The following ZNF565 variants were observed in gnomAD, a reference collection of about 807,000 sequenced individuals.
ZNF565 encodes zinc finger protein 565.
A neutral mutation model predicts 39.4 loss-of-function variants in ZNF565; 27 were observed. That is an observed-to-expected ratio of 0.69 (90% CI 0.51 to 0.95). The LOEUF is 0.95. Among genes scored for constraint, ZNF565 ranks in the 40% least tolerant of loss-of-function variants. The pLI, the probability that ZNF565 is intolerant of heterozygous loss-of-function variation, is 0.00. For missense variants in ZNF565, 524 were observed against 621.1 expected, an observed-to-expected ratio of 0.84 and a Z score of 1.66; for synonymous variants, 185 against 216.6, an observed-to-expected ratio of 0.85 and a Z score of 1.28.
chr19:36,186,617 A>G (rs1975309935), intron 4 of ZNF565, among the ~76,000 whole-genome samples: 1 of 151,832 alleles, frequency 6.6e-6, no homozygotes, highest in Admixed American at 6.6e-5. Flanking sequence ...GTGCAACCCC[A>G]TCTCTACCAA....
At chr19:36,233,844 T>G (rs979457781) in intron 1 of ZNF565, among the ~76,000 whole-genome samples, 8 of 152,218 alleles carry the variant, frequency 5.3e-5, no homozygotes, top group African/African-American at 1.7e-4. Context: ...AGGAGACAGA[T>G]GCCTTCCTCT....
At chr19:36,232,616 T>C (rs1977433537) in intron 1 of ZNF565, among the ~76,000 whole-genome samples, 1 of 150,898 alleles carries the variant, frequency 6.6e-6, no homozygotes, top group Non-Finnish European at 1.5e-5. Flanking sequence ...TTTCTTTTTT[T>C]TTTTTTTCCC....
At chr19:36,195,301 GTGTACCC>G in intron 2 of ZNF565, 145 bp from the exon 3 acceptor site, 1 of 971,416 alleles carries the variant, frequency 1.0e-6, no homozygotes, top group African/African-American at 1.7e-5. Context: ...AGTTAACAAG[GTGTACCC>G]TGTTTTATCT....
At chr19:36,184,899 C>T (rs1399715833) in intron 4 of ZNF565, among the ~76,000 whole-genome samples, 1 of 152,032 alleles carries the variant, frequency 6.6e-6, no homozygotes, top group Non-Finnish European at 1.5e-5. Context: ...AAATGGATCG[C>T]TTGAGGTCAG....
chr19:36,229,062 G>A (rs898360115), intron 1 of ZNF565, among the ~76,000 whole-genome samples: 1 of 152,186 alleles, frequency 6.6e-6, no homozygotes, highest in African/African-American at 2.4e-5. Flanking sequence ...TTCCTGCTTC[G>A]TCTGTGCCGC....
chr19:36,211,211 G>A (rs1976342548), intron 1 of ZNF565, among the ~76,000 whole-genome samples: 1 of 152,074 alleles, frequency 6.6e-6, no homozygotes, highest in Non-Finnish European at 1.5e-5. Flanking sequence ...GGGAGGCCAA[G>A]GTGGGCAGAT....
At chr19:36,188,906 T>C (rs1975421285) in intron 4 of ZNF565, among the ~76,000 whole-genome samples, 1 of 152,114 alleles carries the variant, frequency 6.6e-6, no homozygotes, top group Admixed American at 6.6e-5. Context: ...TAAAACATTA[T>C]CCTTAGTGAA....
intron 1 of ZNF565, among the ~76,000 whole-genome samples, chr19:36,220,276 A>G (rs888057689): frequency 2.6e-5 from 4 of 152,134 alleles, no homozygotes; most frequent in African/African-American, 9.6e-5. Flanking sequence ...ATTTTTAAAA[A>G]TCATGAGTCC....
At chr19:36,212,542 A>C (rs1436727490) in intron 1 of ZNF565, among the ~76,000 whole-genome samples, 3 of 151,900 alleles carry the variant, frequency 2.0e-5, no homozygotes, top group Non-Finnish European at 4.4e-5. Flanking sequence ...GAATCGCTTG[A>C]GCCTGCGAGG....
intron 1 of ZNF565, among the ~76,000 whole-genome samples, chr19:36,206,643 C>G (rs953525257): frequency 3.3e-5 from 5 of 151,964 alleles, no homozygotes; most frequent in African/African-American, 7.2e-5. Flanking sequence ...CCAGCCTGGC[C>G]AACATGGTGA....
intron 1 of ZNF565, among the ~76,000 whole-genome samples, chr19:36,204,460 G>A (rs1049876109): frequency 1.3e-5 from 2 of 152,116 alleles, no homozygotes; most frequent in African/African-American, 2.4e-5. Context: ...AATGAGTTGT[G>A]TAGTTTGAAG....
At chr19:36,225,473 T>TA (rs1977024720) in intron 1 of ZNF565, among the ~76,000 whole-genome samples, 1 of 152,148 alleles carries the variant, frequency 6.6e-6, no homozygotes. Context: ...TTCATTTTGT[T>TA]ATGTTTCAGT....
intron 1 of ZNF565, among the ~76,000 whole-genome samples, chr19:36,234,924 T>C (rs1977581903): frequency 6.6e-6 from 1 of 152,052 alleles, no homozygotes; most frequent in Admixed American, 6.6e-5. Context: ...TTCCTTACAC[T>C]TTTTTTTCAG....
chr19:36,222,838 CTTTT>C (rs371500908), intron 1 of ZNF565, among the ~76,000 whole-genome samples: 1 of 78,196 alleles, frequency 1.3e-5, no homozygotes, highest in African/African-American at 3.9e-5. Flanking sequence ...ACAGTGGTTT[CTTTT>C]TTTTTTAATC....
intron 1 of ZNF565, chr19:36,238,711 T>TG (rs775263019): frequency 3.9e-4 from 65 of 167,110 alleles, no homozygotes; most frequent in Non-Finnish European, 8.2e-4. Flanking sequence ...TGGATGGACT[T>TG]GCTCTCTATG....
intron 1 of ZNF565, among the ~76,000 whole-genome samples, chr19:36,224,107 C>T (rs1976974574): frequency 6.6e-6 from 1 of 152,158 alleles, no homozygotes. Context: ...CCTGGCTGGG[C>T]ACGGTGGCTC....
At chr19:36,211,081 T>C (rs749029710) in intron 1 of ZNF565, among the ~76,000 whole-genome samples, 4 of 151,942 alleles carry the variant, frequency 2.6e-5, no homozygotes, top group African/African-American at 7.2e-5. Context: ...TTCCAGTCTA[T>C]ACTTATAGAA....
chr19:36,223,981 T>C (rs1255113709), intron 1 of ZNF565, among the ~76,000 whole-genome samples: 2 of 152,218 alleles, frequency 1.3e-5, no homozygotes, highest in Non-Finnish European at 2.9e-5. Flanking sequence ...TTGTTTTTAT[T>C]TTAATTTATA....
intron 2 of ZNF565, among the ~76,000 whole-genome samples, chr19:36,195,792 C>T (rs60277419): frequency 0.36 from 52,319 of 146,032 alleles, 9,617 homozygotes; most frequent in Admixed American, 0.41. Context: ...GATCTGCACG[C>T]CTCAGCCTCC....
Sources: gnomAD v4.1 joint callset for allele counts (sites outside exome capture counted in the v4.1 genomes callset) on GRCh38, gnomAD v4.1.1 for gene constraint, MANE v1.5 for transcripts, NCBI Gene and HGNC (gene_info 2026-07-23, HGNC 2026-07-21) for gene names.